The following CHST6 variants were observed in gnomAD, a reference collection of about 807,000 sequenced individuals.
CHST6 encodes N-acetylglucosamine 6-O-sulfotransferase 5.
For missense variants in CHST6, 698 were observed against 586.2 expected (o/e 1.19, Z -1.97); for synonymous variants, 309 against 276.4 (o/e 1.12, Z -1.17).
chr16:75,483,078 C>T lies in CHST6; in HGVS notation c.-91-1187G>A, dbSNP rs571686511. Among the ~76,000 whole-genome samples the T allele has an allele frequency of 3.7e-4, 56 of 152,346 alleles. 1 individual carries two copies. The South Asian group carries it at 0.011, about 30-fold the overall frequency. On this transcript the variant is annotated intron_variant, in intron 1 of 2. Transcript: ENST00000332272. ...TAGGTGCTTCAAGTCCACGCGATGA[C>T]TTAACTCAACGGGCCCTGAGGTGGG...
intron 1 of CHST6, among the ~76,000 whole-genome samples, chr16:75,488,465 G>A (rs1295884114): frequency 6.8e-5 from 10 of 146,038 alleles, no homozygotes; most frequent in Admixed American, 1.4e-4. Context: ...GCAAAGCCCC[G>A]TCACAAGGAG....
rs2080076395 is a variant in CHST6, at chr16:75,477,245, A to T, written c.*1396T>A. On this transcript the variant is annotated 3_prime_UTR_variant, in exon 3 of 3. Transcript: ENST00000332272. Reference sequence around the variant, plus strand: ...TAAAATGAGCTTCAGCTTCAAGGCTAATGTGCCTGTTCTCCCTCCACGTAA... The same window carrying T: ...TAAAATGAGCTTCAGCTTCAAGGCTTATGTGCCTGTTCTCCCTCCACGTAA... 6.6e-6 allele frequency: 1 copy of T among 152,202 alleles called. No homozygotes were observed. The highest frequency in any genetic ancestry group is 1.5e-5 in the Non-Finnish European group (1 of 68,034). 9.4% of individuals were successfully genotyped at this position (152,202 alleles called of 1,614,324 possible). A position where few individuals can be genotyped will look rare whatever the true frequency, so the allele number is the denominator to read the frequency against.
Position 75,495,131 on chromosome 16 carries a change from T to G in CHST6, c.-283A>C, listed in dbSNP as rs1339175676. ...CCCAAGACTATTAAGCGACACCCGG[T>G]GAGGCCGGGAAAGGGGCTCTAAGAG... On this transcript the variant is annotated 5_prime_UTR_variant, in exon 1 of 3. Coordinates refer to ENST00000332272, the MANE Select transcript of CHST6 (RefSeq NM_021615.5). 2 of 152,292 alleles carry G rather than the reference T, an allele frequency of 1.3e-5. No homozygotes were observed. Among genetic ancestry groups the G allele is most frequent in the Non-Finnish European group, 1.5e-5 (1 of 68,146 alleles). The allele number at this position is 152,292 out of a possible 1,614,324, so 9.4% of individuals were successfully genotyped here. A position where few individuals can be genotyped will look rare whatever the true frequency, so the allele number is the denominator to read the frequency against.
At chr16:75,487,461 T>C (rs1454830878) in intron 1 of CHST6, among the ~76,000 whole-genome samples, 2 of 151,416 alleles carry the variant, frequency 1.3e-5, no homozygotes, top group African/African-American at 4.9e-5. Context: ...GGTCAGGAGT[T>C]TGGGACAAGC....
intron 1 of CHST6, 58 bp downstream of exon 1, chr16:75,494,882 G>A (rs2550905): frequency 0.038 from 5,731 of 152,476 alleles, 171 homozygotes; most frequent in African/African-American, 0.084. Flanking sequence ...CACCAGCCCG[G>A]CCCCCAGCCG....
chr16:75,478,777 C>A lies in CHST6; in HGVS notation c.1052G>T (p.Gly351Val). 6.2e-7 allele frequency: 1 copy of A among 1,613,490 alleles called. No individual in the cohort carries two copies. The highest frequency in any genetic ancestry group is 8.5e-7 in the Non-Finnish European group (1 of 1,180,004). ...CCGGTAGCCCAGCAGCTGCAGCGCA[C>A]CAGCGCACAGTTCCTGCACGCGGCG... The part of the protein sequence containing the change: ...KIRRVQELCA[G>V]ALQLLGYRPV... The change falls in exon 3 of 3, where the codon GGT (glycine) becomes GTT (valine). Residue 351 changes from glycine (G) to valine (V), a missense_variant. By Grantham distance (109) the Gly-to-Val change is moderately radical. Coordinates refer to ENST00000332272, the MANE Select transcript of CHST6 (RefSeq NM_021615.5).
rs561066093 is a variant in CHST6, at chr16:75,482,160, C to T, written c.-91-269G>A. On this transcript the variant is annotated intron_variant, in intron 1 of 2. Coordinates refer to ENST00000332272, the MANE Select transcript of CHST6 (RefSeq NM_021615.5). The stretch of plus-strand genomic sequence containing the variant: ...CCCCTCCCCCTGGGGAGTCTCCCCC[C>T]AGAGGAGACACCCACAGGCCACCTA... Among the ~76,000 whole-genome samples the T allele has an allele frequency of 2.5e-3, 383 of 152,254 alleles. No individual in the cohort carries two copies. The highest frequency in any genetic ancestry group is 6.8e-3 in the Middle Eastern group (2 of 294).
At chr16:75,489,012 C>T (rs893606698) in intron 1 of CHST6, among the ~76,000 whole-genome samples, 2 of 152,026 alleles carry the variant, frequency 1.3e-5, no homozygotes, top group Non-Finnish European at 2.9e-5. Context: ...CCCAGTCTTT[C>T]CCATCCATTT....
intron 1 of CHST6, among the ~76,000 whole-genome samples, chr16:75,488,601 G>A (rs2080225690): frequency 6.6e-6 from 1 of 152,140 alleles, no homozygotes; most frequent in African/African-American, 2.4e-5. Flanking sequence ...GCATTTGGAA[G>A]GGGGAAGGCT....
At position 75,479,085 on chromosome 16, in the gene CHST6, G is replaced by A; in HGVS notation, c.744C>T (p.Ser248=). The A allele has an allele frequency of 6.2e-7, 1 of 1,605,536 alleles. No homozygotes were observed. The highest frequency in any genetic ancestry group is 8.5e-7 in the Non-Finnish European group (1 of 1,179,110). ...TGGCGGCCTCGGCGATGCGTACGTG[G>A]CTACGGCACACCTCGCGCACCACGC... ...GLRVVREVCR[S]HVRIAEAATL... The change falls in exon 3 of 3, where the codon AGC becomes AGT. Residue 248 remains serine, a synonymous_variant. Coordinates refer to ENST00000332272, the MANE Select transcript of CHST6 (RefSeq NM_021615.5).
rs12918234 is a variant in CHST6, at chr16:75,474,555, C to T, written c.*4086G>A. 0.16 allele frequency: 64,817 copies of T among 398,082 alleles called. 5,840 individuals are homozygous for T. The highest frequency in any genetic ancestry group is 0.21 in the Middle Eastern group (337 of 1,584). 24.7% of individuals were successfully genotyped at this position (398,082 alleles called of 1,614,324 possible). On this transcript the variant is annotated 3_prime_UTR_variant, in exon 3 of 3. Coordinates refer to ENST00000332272, the MANE Select transcript of CHST6 (RefSeq NM_021615.5). ...CCTTGCAAAGTATTGGGATTACAGG[C>T]GTGAGCCACTGAACCCAGCAAGGGT...
Position 75,475,980 on chromosome 16 carries a change from G to A in CHST6, c.*2661C>T, listed in dbSNP as rs1257028168. 1.3e-5 allele frequency: 2 copies of A among 152,130 alleles called. No individual in the cohort carries two copies. The highest frequency in any genetic ancestry group is 2.9e-5 in the Non-Finnish European group (2 of 68,060). 9.4% of individuals were successfully genotyped at this position (152,130 alleles called of 1,614,324 possible). A position where few individuals can be genotyped will look rare whatever the true frequency, so the allele number is the denominator to read the frequency against. On this transcript the variant is annotated 3_prime_UTR_variant, in exon 3 of 3. Coordinates refer to ENST00000332272, the MANE Select transcript of CHST6 (RefSeq NM_021615.5). ...CCTGCCTCAGCCTCCTGAGTAGCTG[G>A]AATTACAGGTGTGCACCACCACACC...
At chr16:75,484,309 C>T (rs975812810) in intron 1 of CHST6, among the ~76,000 whole-genome samples, 1 of 152,152 alleles carries the variant, frequency 6.6e-6, no homozygotes. Context: ...TGCACTCCAG[C>T]CTGGGTGACA....
Position 75,475,277 on chromosome 16 carries a change from G to A in CHST6, c.*3364C>T, listed in dbSNP as rs189970730. The A allele has an allele frequency of 6.6e-6, 1 of 152,234 alleles. No individual in the cohort carries two copies. Among genetic ancestry groups the A allele is most frequent in the African/African-American group, 2.4e-5 (1 of 41,432 alleles). The allele number at this position is 152,234 out of a possible 1,614,324, so 9.4% of individuals were successfully genotyped here. A position where few individuals can be genotyped will look rare whatever the true frequency, so the allele number is the denominator to read the frequency against. On this transcript the variant is annotated 3_prime_UTR_variant, in exon 3 of 3. Coordinates refer to ENST00000332272, the MANE Select transcript of CHST6 (RefSeq NM_021615.5). ...GTGGAGGTAAAGTTTTGCTTCCAAGGCCTATGCTTCAAACTGGCTCACAGG... is the reference window on the plus strand; with the variant it reads ...GTGGAGGTAAAGTTTTGCTTCCAAGACCTATGCTTCAAACTGGCTCACAGG...
intron 1 of CHST6, among the ~76,000 whole-genome samples, chr16:75,486,691 T>A (rs1276687351): frequency 2.6e-5 from 4 of 152,174 alleles, no homozygotes; most frequent in Non-Finnish European, 5.9e-5. Flanking sequence ...ATCTAAGCAT[T>A]TGGATCCAGT....
At position 75,479,454 on chromosome 16, in the gene CHST6, C is replaced by T; in HGVS notation, c.375G>A (p.Val125=). The change falls in exon 3 of 3, where the codon GTG becomes GTA. Residue 125 remains valine, a synonymous_variant. Coordinates refer to ENST00000332272, the MANE Select transcript of CHST6 (RefSeq NM_021615.5). ...RNLSDLFQWA[V]SRALCSPPAC... is the part of the protein sequence containing the mutation. ...CGGGTGGCGAGCACAGTGCACGGCTCACGGCCCACTGGAAGAGGTCGGACA... is the reference window on the plus strand; with the variant it reads ...CGGGTGGCGAGCACAGTGCACGGCTTACGGCCCACTGGAAGAGGTCGGACA... The T allele has an allele frequency of 6.2e-7, 1 of 1,612,940 alleles. No homozygotes were observed. The highest frequency in any genetic ancestry group is 8.5e-7 in the Non-Finnish European group (1 of 1,179,872).
chr16:75,473,120 C>G lies in CHST6; in HGVS notation c.*5521G>C, dbSNP rs2080034116. ...CTACGTAACAAACCACCACAACACTCAAATGACTGAAACACAATAAGCACT... is the reference window on the plus strand; with the variant it reads ...CTACGTAACAAACCACCACAACACTGAAATGACTGAAACACAATAAGCACT... On this transcript the variant is annotated 3_prime_UTR_variant, in exon 3 of 3. Coordinates refer to ENST00000332272, the MANE Select transcript of CHST6 (RefSeq NM_021615.5). The G allele has an allele frequency of 1.3e-5, 2 of 152,274 alleles. No individual in the cohort carries two copies. Among genetic ancestry groups the G allele is most frequent in the Non-Finnish European group, 2.9e-5 (2 of 68,066 alleles). The allele number at this position is 152,274 out of a possible 1,614,324, so 9.4% of individuals were successfully genotyped here.
intron 1 of CHST6, among the ~76,000 whole-genome samples, chr16:75,492,200 A>C (rs999365869): frequency 2.6e-5 from 4 of 152,288 alleles, no homozygotes; most frequent in African/African-American, 9.6e-5. Context: ...ATTTCAGAGC[A>C]GATAAGCAGA....
rs556465386 is a variant in CHST6 at position 75,495,356 on chromosome 16, C to G, written c.-508G>C. 1 of 152,462 alleles carries G rather than the reference C, an allele frequency of 6.6e-6. No individual in the cohort carries two copies. The highest frequency in any genetic ancestry group is 1.5e-5 in the Non-Finnish European group (1 of 68,256). 9.4% of individuals were successfully genotyped at this position (152,462 alleles called of 1,614,324 possible). The stretch of plus-strand genomic sequence containing the variant: ...CCCGCGCCCTCTACTCCCCGCGCGC[C>G]GGCCGGCAACCCTCGGCGCTGCCCG... On this transcript the variant is annotated 5_prime_UTR_variant, in exon 1 of 3. Transcript: ENST00000332272.
Sources: gnomAD v4.1 joint callset for allele counts (sites outside exome capture counted in the v4.1 genomes callset) on GRCh38, gnomAD v4.1.1 for gene constraint, MANE v1.5 for transcripts, NCBI Gene and HGNC (gene_info 2026-07-23, HGNC 2026-07-21) for gene names.